Variants in EYS observed in about 807,000 individuals in gnomAD.
EYS encodes protein eyes shut homolog.
A neutral mutation model predicts 282.1 loss-of-function variants in EYS; 250 were observed. The ratio of observed to expected loss-of-function variants is 0.89; its 90% CI spans 0.80 to 0.98. The LOEUF (loss-of-function observed/expected upper bound fraction) is 0.98. Ranked by LOEUF, EYS falls within the 50% of genes least tolerant of loss-of-function variation. EYS has a pLI of 0.00. For synonymous variants in EYS, 1,355 were observed against 1,282.9 expected (o/e 1.06, Z -1.20); for missense variants, 4,016 against 3,709.0 (o/e 1.08, Z -2.15).
intron 26 of EYS, among the ~76,000 whole-genome samples, chr6:64,559,632 G>T (rs146856464): frequency 1.0e-3 from 153 of 151,988 alleles, no homozygotes; most frequent in Non-Finnish European, 1.8e-3. Context: ...TCATTAAAAA[G>T]AATGCAGTAT....
At chr6:64,864,385 C>CTTTTTTTTTTTTTATTTTTTTTTTTT (rs1766349805) in intron 19 of EYS, among the ~76,000 whole-genome samples, 1 of 57,166 alleles carries the variant, frequency 1.7e-5, no homozygotes, top group Non-Finnish European at 3.6e-5. Context: ...GCTATACCTT[C>CTTTTTTTTTTTTTATTTTTTTTTTTT]TTTTTTTTTT....
intron 22 of EYS, among the ~76,000 whole-genome samples, chr6:64,766,649 A>AAAAAAAAAAAAAAAAATATATATAT (rs1387919586): frequency 5.2e-5 from 1 of 19,050 alleles, no homozygotes. Context: ...AAAAAAAAAA[A>AAAAAAAAAAAAAAAAATATATATAT]ATATATATAT....
At chr6:64,134,902 G>A (rs1774108512) in intron 31 of EYS, among the ~76,000 whole-genome samples, 1 of 152,054 alleles carries the variant, frequency 6.6e-6, no homozygotes, top group Non-Finnish European at 1.5e-5. Context: ...CATATGCTAG[G>A]TGCTATGGAT....
intron 22 of EYS, among the ~76,000 whole-genome samples, chr6:64,704,704 T>C (rs1246305773): frequency 6.6e-6 from 1 of 151,688 alleles, no homozygotes; most frequent in Non-Finnish European, 1.5e-5. Flanking sequence ...TTCATGAAAA[T>C]AAAGCAAAGC....
At chr6:64,412,221 G>T (rs990485502) in intron 28 of EYS, among the ~76,000 whole-genome samples, 1 of 151,744 alleles carries the variant, frequency 6.6e-6, no homozygotes, top group Non-Finnish European at 1.5e-5. Context: ...TTTTATATTT[G>T]TTTTATATTT....
chr6:64,345,392 T>C (rs143623635), intron 29 of EYS, among the ~76,000 whole-genome samples: 4,736 of 152,024 alleles, frequency 0.031, 234 homozygotes, highest in African/African-American at 0.11. Flanking sequence ...TCAGAAATAA[T>C]GCTGCATATC....
chr6:65,335,108 G>A lies in EYS; in HGVS notation c.1638C>T (p.Asp546=), dbSNP rs373584729. 6.6e-5 allele frequency: 106 copies of A among 1,611,766 alleles called. No individual in the cohort carries two copies. The African/African-American group carries it at 1.2e-3, about 19-fold the overall frequency. The stretch of plus-strand genomic sequence containing the variant: ...AACATAGATACCGATATTCCTGACT[G>A]TCTTCTTCACTCAAACAACTGCATC... The part of the protein sequence containing the change: ...ANGCSCLSEE[D]SQEYRYLCFL... Residue 546 remains aspartate, a synonymous_variant, in exon 11 of 43, where the codon GAC becomes GAT. Coordinates refer to ENST00000503581, the MANE Select transcript of EYS (RefSeq NM_001142800.2).
intron 22 of EYS, among the ~76,000 whole-genome samples, chr6:64,707,663 C>CAAAAAAAAAAAAA: frequency 9.9e-6 from 1 of 101,006 alleles, no homozygotes; most frequent in Non-Finnish European, 2.1e-5. Context: ...AGACTCGTAT[C>CAAAAAAAAAAAAA]AAAAAAAAAA....
At chr6:63,813,083 A>G (rs528689862) in intron 36 of EYS, among the ~76,000 whole-genome samples, 15 of 152,252 alleles carry the variant, frequency 9.9e-5, no homozygotes, top group East Asian at 3.9e-4. Context: ...GAATCAAACA[A>G]TCCTCTCACC....
intron 1 of EYS, among the ~76,000 whole-genome samples, chr6:65,656,627 C>G (rs1291667114): frequency 6.6e-6 from 1 of 151,780 alleles, no homozygotes; most frequent in African/African-American, 2.4e-5. Flanking sequence ...ACCTCAGATG[C>G]TGGAAAAGAA....
At chr6:64,919,489 T>G (rs1279801127) in intron 15 of EYS, among the ~76,000 whole-genome samples, 1 of 151,294 alleles carries the variant, frequency 6.6e-6, no homozygotes, top group African/African-American at 2.4e-5. Flanking sequence ...ATTTCTGTTT[T>G]AATATTAATA....
At chr6:64,212,452 T>C in intron 31 of EYS, among the ~76,000 whole-genome samples, 1 of 152,142 alleles carries the variant, frequency 6.6e-6, no homozygotes, top group Middle Eastern at 3.4e-3. Context: ...ATAAAATACA[T>C]ATATTAAAAA....
At chr6:65,438,256 T>C (rs560437932) in intron 5 of EYS, among the ~76,000 whole-genome samples, 92 of 152,154 alleles carry the variant, frequency 6.0e-4, no homozygotes, top group African/African-American at 2.1e-3. Flanking sequence ...CAGTCTATCA[T>C]TGATGGACAT....
chr6:65,089,838 C>T (rs1774498856), intron 12 of EYS, among the ~76,000 whole-genome samples: 1 of 151,546 alleles, frequency 6.6e-6, no homozygotes, highest in Non-Finnish European at 1.5e-5. Flanking sequence ...CACCTGTAAT[C>T]CCAGCTACTG....
At chr6:64,664,419 G>A (rs1358608630) in intron 22 of EYS, among the ~76,000 whole-genome samples, 1 of 152,130 alleles carries the variant, frequency 6.6e-6, no homozygotes, top group Non-Finnish European at 1.5e-5. Flanking sequence ...CACCTTCCCA[G>A]CAAGGCTTAG....
At chr6:65,498,048 A>G (rs1048128174) in intron 2 of EYS, among the ~76,000 whole-genome samples, 4 of 152,076 alleles carry the variant, frequency 2.6e-5, no homozygotes, top group Non-Finnish European at 5.9e-5. Context: ...CGTGAAGTCC[A>G]TAAATATTGA....
chr6:64,641,720 T>G (rs1279526985), intron 22 of EYS, among the ~76,000 whole-genome samples: 1 of 152,162 alleles, frequency 6.6e-6, no homozygotes, highest in Non-Finnish European at 1.5e-5. Context: ...GGAACTGGGC[T>G]GCACAGCAGG....
chr6:64,799,558 A>C (rs1001845838), intron 22 of EYS, among the ~76,000 whole-genome samples: 2 of 151,574 alleles, frequency 1.3e-5, no homozygotes, highest in Non-Finnish European at 3.0e-5. Context: ...AATATTCATT[A>C]AGTAAATAGT....
At chr6:64,360,767 C>T (rs559623589) in intron 29 of EYS, among the ~76,000 whole-genome samples, 3 of 151,728 alleles carry the variant, frequency 2.0e-5, no homozygotes, top group Admixed American at 6.6e-5. Flanking sequence ...AATAGAACAC[C>T]AATATTCCTG....
Sources: allele counts gnomAD v4.1 joint callset (sites outside exome capture counted in the v4.1 genomes callset), GRCh38; gene constraint gnomAD v4.1.1; transcripts MANE v1.5; gene names NCBI Gene and HGNC (gene_info 2026-07-23, HGNC 2026-07-21).